The following COMMD10 variants were observed in gnomAD, a reference collection of about 807,000 sequenced individuals.
COMMD10 encodes COMM domain containing 10.
Under a neutral mutation model 28.9 loss-of-function variants are expected in COMMD10, and 33 were observed. That is an observed-to-expected ratio of 1.14 (90% CI 0.87 to 1.53). The LOEUF (loss-of-function observed/expected upper bound fraction) is 1.53, where lower values mean the gene tolerates loss of function less well. COMMD10 is among the 40% of genes most tolerant of loss of function. The probability of loss-of-function intolerance (pLI) is 0.00; values close to 1 mark genes in which losing one functional copy is unlikely to be tolerated. For synonymous variants in COMMD10, 110 were observed against 81.7 expected, an observed-to-expected ratio of 1.35 and a Z score of -1.87; for missense variants, 310 against 233.4, an observed-to-expected ratio of 1.33 and a Z score of -2.14.
intron 5 of COMMD10, among the ~76,000 whole-genome samples, chr5:116,146,431 T>C (rs1452053154): frequency 6.6e-6 from 1 of 151,848 alleles, no homozygotes; most frequent in East Asian, 1.9e-4. Flanking sequence ...TCAGTGGTGA[T>C]TTTTGGAATT....
chr5:116,115,280 A>T (rs1309672305), intron 4 of COMMD10, among the ~76,000 whole-genome samples: 1 of 152,140 alleles, frequency 6.6e-6, no homozygotes, highest in South Asian at 2.1e-4. Context: ...TCCAGTAGGA[A>T]AGTGAACCAC....
intron 5 of COMMD10, among the ~76,000 whole-genome samples, chr5:116,171,526 C>T (rs866334826): frequency 2.6e-5 from 4 of 152,052 alleles, no homozygotes; most frequent in African/African-American, 7.2e-5. Flanking sequence ...GACACATGCA[C>T]GTGTATGTTT....
chr5:116,225,820 T>TC (rs201538621), intron 5 of COMMD10, among the ~76,000 whole-genome samples: 68 of 150,986 alleles, frequency 4.5e-4, no homozygotes, highest in Middle Eastern at 3.4e-3. Flanking sequence ...TTTTTTTTTT[T>TC]TCTCTTCCTG....
chr5:116,098,640 A>G (rs370523565), intron 4 of COMMD10, among the ~76,000 whole-genome samples: 3 of 152,166 alleles, frequency 2.0e-5, no homozygotes, highest in African/African-American at 7.2e-5. Context: ...GTCATTTTAT[A>G]TGAGGGACTT....
chr5:116,235,523 A>G (rs1306092077), intron 5 of COMMD10, among the ~76,000 whole-genome samples: 2 of 152,194 alleles, frequency 1.3e-5, no homozygotes, highest in African/African-American at 4.8e-5. Flanking sequence ...TATATCCTCA[A>G]AGATCTTCCA....
At chr5:116,201,542 A>C (rs975529418) in intron 5 of COMMD10, among the ~76,000 whole-genome samples, 1 of 152,144 alleles carries the variant, frequency 6.6e-6, no homozygotes, top group African/African-American at 2.4e-5. Context: ...CTGTCTCTCC[A>C]ATCTGGGGGG....
chr5:116,167,836 T>C (rs1753183119), intron 5 of COMMD10, among the ~76,000 whole-genome samples: 1 of 152,006 alleles, frequency 6.6e-6, no homozygotes, highest in African/African-American at 2.4e-5. Context: ...AAGGAAACAC[T>C]AAATATGGAA....
chr5:116,163,708 TAGTC>T (rs1284048752), intron 5 of COMMD10, among the ~76,000 whole-genome samples: 2 of 152,186 alleles, frequency 1.3e-5, no homozygotes, highest in Admixed American at 6.5e-5. Context: ...ATTATTGAAT[TAGTC>T]AGAGATTATT....
intron 5 of COMMD10, among the ~76,000 whole-genome samples, chr5:116,227,237 A>G (rs1283629372): frequency 6.6e-6 from 1 of 152,024 alleles, no homozygotes; most frequent in South Asian, 2.1e-4. Context: ...GGCCCTTGAA[A>G]TAAGGGCCTT....
intron 5 of COMMD10, among the ~76,000 whole-genome samples, chr5:116,238,298 C>T (rs181795688): frequency 5.1e-4 from 77 of 152,292 alleles, no homozygotes; most frequent in African/African-American, 1.8e-3. Flanking sequence ...TACTGGACTG[C>T]ATGACAATTA....
At chr5:116,292,375 A>G (rs1212748772) in intron 6 of COMMD10, 76 bp from the exon 7 acceptor site, 9 of 901,270 alleles carry the variant, frequency 1.0e-5, no homozygotes, top group South Asian at 7.5e-5. Context: ...TTCTATTTGC[A>G]TGTGTCTGAA....
At chr5:116,203,310 C>T (rs1270288194) in intron 5 of COMMD10, among the ~76,000 whole-genome samples, 1 of 152,198 alleles carries the variant, frequency 6.6e-6, no homozygotes, top group Admixed American at 6.5e-5. Context: ...AGTTGGAAAA[C>T]ACTCTGCAGG....
intron 5 of COMMD10, among the ~76,000 whole-genome samples, chr5:116,138,352 T>G (rs558809628): frequency 6.6e-6 from 1 of 152,016 alleles, no homozygotes; most frequent in Non-Finnish European, 1.5e-5. Context: ...TGAATGGCTC[T>G]ATTAGGTTAT....
chr5:116,140,219 A>G (rs1752153904), intron 5 of COMMD10, among the ~76,000 whole-genome samples: 1 of 116,230 alleles, frequency 8.6e-6, no homozygotes, highest in South Asian at 2.4e-4. Flanking sequence ...TTCAAGGCTG[A>G]CTCATACTAC....
chr5:116,253,931 C>G (rs1750200071), intron 5 of COMMD10, among the ~76,000 whole-genome samples: 1 of 151,782 alleles, frequency 6.6e-6, no homozygotes, highest in South Asian at 2.1e-4. Context: ...TGGTCCTGGA[C>G]TCTTCTTGGT....
intron 4 of COMMD10, among the ~76,000 whole-genome samples, chr5:116,096,718 G>A (rs1425303278): frequency 6.6e-6 from 1 of 151,958 alleles, no homozygotes; most frequent in Non-Finnish European, 1.5e-5. Flanking sequence ...GTTAGAAAAT[G>A]CCCCTTTATT....
intron 5 of COMMD10, among the ~76,000 whole-genome samples, chr5:116,277,189 A>G (rs1001328806): frequency 1.6e-4 from 25 of 152,020 alleles, no homozygotes; most frequent in African/African-American, 6.1e-4. Context: ...AATTCACAGT[A>G]GTACACAATA....
In COMMD10 at chr5:116,210,841, C is replaced by G. The variant is rs116373647; in HGVS notation, c.510+76663C>G. On this transcript the variant is annotated intron_variant, in intron 5 of 6. Transcript: ENST00000274458. Reference sequence around the variant, plus strand: ...ATAGGTAAAGAACTTATTTTTCTCTCACATGGTACATTAAAAATAGAAGCA... The same window carrying G: ...ATAGGTAAAGAACTTATTTTTCTCTGACATGGTACATTAAAAATAGAAGCA... Among the ~76,000 whole-genome samples the G allele has an allele frequency of 7.1e-3, 1,084 of 152,112 alleles. 10 individuals carry two copies. Among genetic ancestry groups the G allele is most frequent in the African/African-American group, 0.021 (889 of 41,530 alleles).
At position 116,085,104 on chromosome 5, in the gene COMMD10, C is replaced by T; in HGVS notation, c.41+11C>T. ...ACGGGAGAGCCCCAGGTAGCTGATC[C>T]GTTAAGCTCTTGCGGTAGCCGCGCC... is the stretch of plus-strand genomic sequence containing the variant. On this transcript the variant is annotated intron_variant, in intron 1 of 6. Transcript: ENST00000274458. 3 of 1,607,946 alleles carry T rather than the reference C, an allele frequency of 1.9e-6. No individual in the cohort carries two copies. Among genetic ancestry groups the T allele is most frequent in the Non-Finnish European group, 2.5e-6 (3 of 1,178,098 alleles).
Sources: allele counts gnomAD v4.1 joint callset (sites outside exome capture counted in the v4.1 genomes callset), GRCh38; gene constraint gnomAD v4.1.1; transcripts MANE v1.5; gene names NCBI Gene and HGNC (gene_info 2026-07-23, HGNC 2026-07-21).